The following ZNF577 variants were observed in gnomAD, a reference collection of about 807,000 sequenced individuals.
The protein encoded by ZNF577 is zinc finger protein 577.
ZNF577 carries 14 observed loss-of-function variants against 13.9 expected under a neutral mutation model. The observed-to-expected ratio is 1.00, with a 90% CI of 0.66 to 1.57. The LOEUF (loss-of-function observed/expected upper bound fraction) is 1.57, where lower values mean the gene tolerates loss of function less well. Ranked by LOEUF, ZNF577 falls within the 40% of genes most tolerant of loss-of-function variation. The pLI is 0.00. For synonymous variants in ZNF577, 203 were observed against 202.9 expected (o/e 1.00, Z 0.00); for missense variants, 555 against 579.2 (o/e 0.96, Z 0.43).
In ZNF577 at chr19:51,824,187, A is replaced by G; in HGVS notation, c.*600-12513T>C. The G allele has an allele frequency of 6.2e-7, 1 of 1,614,144 alleles. No homozygotes were observed. Among genetic ancestry groups the G allele is most frequent in the Non-Finnish European group, 8.5e-7 (1 of 1,180,010 alleles). ...CATGAGTCTGGCCAAGAGGGTGATG[A>G]CGGGACTCTGGATTTTCACCATAGT... On this transcript the variant is annotated intron_variant and NMD_transcript_variant, in intron 9 of 10. Transcript: ENST00000638827. This position sits in a 1 kb window ranked among gnomAD's most constrained non-coding sequence, Gnocchi z 4.7.
intron 6 of ZNF577, among the ~76,000 whole-genome samples, chr19:51,843,954 G>A (rs1361446654): frequency 6.6e-6 from 1 of 152,018 alleles, no homozygotes. Flanking sequence ...CATTAAGACA[G>A]GAGAAGCTGA....
intron 9 of ZNF577, chr19:51,823,649 T>A (rs1199313680): frequency 1.0e-6 from 1 of 999,308 alleles, no homozygotes; most frequent in Non-Finnish European, 1.5e-6. Context: ...GGTCTGCTGG[T>A]AGGAGGAGGA....
rs1370742974 is a variant in ZNF577, at chr19:51,878,398, C to T, written c.178G>A (p.Val60Ile). ...EVMLENYINL[V>I]SIGYRGTKPD... ...GCAATGCTGTCCTTACCTATTGATA[C>T]TAGGTTGATGTAGTTCTCCAACATT... Residue 60 changes from valine to isoleucine, a missense_variant, in exon 4 of 6, where the codon GTA becomes ATA. Transcript: ENST00000638348. 3.7e-6 allele frequency: 6 copies of T among 1,613,932 alleles called. No homozygotes were observed. The highest frequency in any genetic ancestry group is 4.5e-5 in the East Asian group (2 of 44,874).
In ZNF577 at chr19:51,867,363, G is replaced by A. The variant is rs898143323; in HGVS notation, c.*5169C>T. Among the ~76,000 whole-genome samples, 2 of 152,066 alleles carry A rather than the reference G, an allele frequency of 1.3e-5. No homozygotes were observed. The highest frequency in any genetic ancestry group is 4.8e-5 in the African/African-American group (2 of 41,410). On this transcript the variant is annotated 3_prime_UTR_variant, in exon 6 of 6. Transcript: ENST00000638348. Reference sequence around the variant, plus strand: ...TCTAGATATTGTCTTTTCTGATTCTGAACATCGGACAAAAGATCTCTTTTC... The same window carrying A: ...TCTAGATATTGTCTTTTCTGATTCTAAACATCGGACAAAAGATCTCTTTTC...
At chr19:51,860,840 CTATGAG>C in intron 5 of ZNF577, 1 of 358,350 alleles carries the variant, frequency 2.8e-6, no homozygotes, top group Non-Finnish European at 5.3e-6. Flanking sequence ...TTCACTGTAT[CTATGAG>C]ATTTCTCTCG....
chr19:51,876,111 C>T (rs151312490), intron 5 of ZNF577, among the ~76,000 whole-genome samples: 11 of 152,300 alleles, frequency 7.2e-5, no homozygotes, highest in Admixed American at 1.3e-4. Flanking sequence ...ACAGAATACT[C>T]GTCCAGGGTG....
chr19:51,841,678 G>A (rs551279421), intron 8 of ZNF577, among the ~76,000 whole-genome samples: 4 of 152,220 alleles, frequency 2.6e-5, no homozygotes, highest in East Asian at 1.9e-4. Flanking sequence ...CAGCACTTTG[G>A]GGGGCCAAGG....
exon 10 of ZNF577, chr19:51,811,503 G>C (rs2122447460): frequency 6.6e-6 from 1 of 152,294 alleles, no homozygotes; most frequent in East Asian, 1.9e-4. Flanking sequence ...ACTCATCCCA[G>C]GGTCCCCATT....
intron 1 of ZNF577, among the ~76,000 whole-genome samples, chr19:51,883,615 G>GA (rs112318013): frequency 0.14 from 20,865 of 149,206 alleles, 1,562 homozygotes; most frequent in East Asian, 0.22. Flanking sequence ...AAAAAACAAA[G>GA]AAAAAAAAAG....
Position 51,871,534 on chromosome 19 carries a change from T to A in ZNF577, c.*998A>T, listed in dbSNP as rs1377484011. On this transcript the variant is annotated 3_prime_UTR_variant, in exon 6 of 6. Coordinates refer to ENST00000638348, the MANE Select transcript of ZNF577 (RefSeq NM_001370449.1). The stretch of plus-strand genomic sequence containing the variant: ...TAGGAGTTATTTTCCAGTGCTGATG[T>A]GATTTTAACATTTCAAGAGCATCTA... The A allele has an allele frequency of 6.6e-6, 1 of 152,250 alleles. No homozygotes were observed. The highest frequency in any genetic ancestry group is 1.5e-5 in the Non-Finnish European group (1 of 68,050). 9.4% of individuals were successfully genotyped at this position (152,250 alleles called of 1,614,324 possible). A position where few individuals can be genotyped will look rare whatever the true frequency, so the allele number is the denominator to read the frequency against.
intron 5 of ZNF577, among the ~76,000 whole-genome samples, chr19:51,852,281 G>A (rs904084058): frequency 3.3e-5 from 5 of 152,178 alleles, no homozygotes; most frequent in African/African-American, 1.2e-4. Flanking sequence ...GGGCTAATGG[G>A]CTGCCTCTGA....
intron 10 of ZNF577, among the ~76,000 whole-genome samples, chr19:51,807,266 A>G (rs1281729391): frequency 6.6e-6 from 1 of 152,196 alleles, no homozygotes; most frequent in Non-Finnish European, 1.5e-5. Flanking sequence ...GGCTTGCAAG[A>G]CTGCATTCTT....
At chr19:51,810,696 G>A (rs908318433) in intron 10 of ZNF577, among the ~76,000 whole-genome samples, 5 of 152,176 alleles carry the variant, frequency 3.3e-5, no homozygotes, top group African/African-American at 1.2e-4. Context: ...CGCATCAAGT[G>A]TCTCACATCA....
chr19:51,874,356 C>T (rs1406738511), intron 5 of ZNF577, among the ~76,000 whole-genome samples: 1 of 151,862 alleles, frequency 6.6e-6, no homozygotes, highest in Non-Finnish European at 1.5e-5. Flanking sequence ...ATGTGAAGAA[C>T]AGTACAAAGG....
intron 1 of ZNF577, among the ~76,000 whole-genome samples, chr19:51,883,056 C>T (rs943720847): frequency 2.0e-5 from 3 of 149,396 alleles, no homozygotes; most frequent in Admixed American, 6.7e-5. Context: ...TGCAGTAGCG[C>T]GATCTCAGCT....
rs751385398 is a variant in ZNF577 at position 51,824,890 on chromosome 19, C to T, written c.*600-13216G>A. 20 of 1,065,564 alleles carry T rather than the reference C, an allele frequency of 1.9e-5. No individual in the cohort carries two copies. The highest frequency in any genetic ancestry group is 2.6e-5 in the Non-Finnish European group (19 of 742,502). 66.0% of individuals were successfully genotyped at this position (1,065,564 alleles called of 1,614,324 possible). A position where few individuals can be genotyped will look rare whatever the true frequency, so the allele number is the denominator to read the frequency against. On this transcript the variant is annotated intron_variant and NMD_transcript_variant, in intron 9 of 10. Transcript: ENST00000638827. This position sits in a 1 kb window ranked among gnomAD's most constrained non-coding sequence, Gnocchi z 4.7. ...AAAAATTCTGACAGTGTTTTTCTTC[C>T]TCTTTCATACCACCACCACCACAAT... is the stretch of plus-strand genomic sequence containing the variant.
chr19:51,857,571 G>T (rs1043849411), intron 5 of ZNF577, among the ~76,000 whole-genome samples: 1 of 152,092 alleles, frequency 6.6e-6, no homozygotes, highest in African/African-American at 2.4e-5. Flanking sequence ...TAAGAACAAA[G>T]ATTTTTATTG....
At chr19:51,858,728 C>T (rs11672786) in intron 5 of ZNF577, among the ~76,000 whole-genome samples, 59,045 of 151,824 alleles carry the variant, frequency 0.39, 12,848 homozygotes, top group African/African-American at 0.58. Flanking sequence ...ACTAGAATAC[C>T]CACTAGAAGT....
intron 9 of ZNF577, among the ~76,000 whole-genome samples, chr19:51,834,763 A>AGC (rs2084280005): frequency 6.6e-6 from 1 of 152,150 alleles, no homozygotes; most frequent in Admixed American, 6.5e-5. Flanking sequence ...GGCTCACTGC[A>AGC]GCTTCAACCT....
Sources: gnomAD v4.1 joint callset for allele counts (sites outside exome capture counted in the v4.1 genomes callset) on GRCh38, gnomAD v4.1.1 for gene constraint, Gnocchi (gnomAD v3.1) non-coding constraint, MANE v1.5 for transcripts, NCBI Gene and HGNC (gene_info 2026-07-23, HGNC 2026-07-21) for gene names.